Variants in USP33 observed in about 807,000 individuals in gnomAD.
USP33 encodes the protein ubiquitin specific peptidase 33.
Under a neutral mutation model 124.2 loss-of-function variants are expected in USP33, and 46 were observed. That is an observed-to-expected ratio of 0.37 (90% CI 0.29 to 0.47). USP33 has a LOEUF of 0.47. Ranked by LOEUF, USP33 falls within the 20% of genes least tolerant of loss-of-function variation. The probability of loss-of-function intolerance (pLI) is 0.99; values close to 1 mark genes in which losing one functional copy is unlikely to be tolerated. For missense variants in USP33, 851 were observed against 1,070.6 expected (o/e 0.79, Z 2.86); for synonymous variants, 350 against 352.3 (o/e 0.99, Z 0.07).
Position 77,714,657 on chromosome 1 carries a change from T to C in USP33, c.2172A>G (p.Glu724=), listed in dbSNP as rs767284193. 2 of 1,613,318 alleles carry C rather than the reference T, an allele frequency of 1.2e-6. No homozygotes were observed. The highest frequency in any genetic ancestry group is 2.7e-5 in the African/African-American group (2 of 74,914). Residue 724 remains glutamate (E), a synonymous_variant, in exon 19 of 24, where the codon GAA becomes GAG. Coordinates refer to ENST00000370794, the MANE Select transcript of USP33 (RefSeq NM_201624.3). The part of the protein sequence containing the change: ...QWLNKFKTFA[E]PGPISNNDFL... ...AGTCATTATTTGAAATAGGGCCAGG[T>C]TCGGCAAAGGTCTTAAATTTATTAA...
Position 77,736,094 on chromosome 1 carries a change from T to A in USP33, c.416A>T (p.Asp139Val). The A allele has an allele frequency of 1.2e-6, 2 of 1,613,448 alleles. No individual in the cohort carries two copies. Among genetic ancestry groups the A allele is most frequent in the East Asian group, 4.5e-5 (2 of 44,802 alleles). Residue 139 changes from aspartate (D) to valine (V), a missense_variant, in exon 6 of 24, where the codon GAT (aspartate) becomes GTT (valine). Transcript: ENST00000370794. ...TPLVAVFDDL[D>V]IEADEEDELR... ...TTCATCTTCTTCATCCGCTTCTATA[T>A]CCAGATCATCAAATACGGCAACCAG... is the stretch of plus-strand genomic sequence containing the variant.
intron 11 of USP33, among the ~76,000 whole-genome samples, chr1:77,724,417 T>A (rs768560332): frequency 1.1e-4 from 16 of 152,228 alleles, no homozygotes; most frequent in Non-Finnish European, 1.6e-4. Flanking sequence ...TAATGGATCA[T>A]GCTTTTAATG....
intron 19 of USP33, 106 bp from the exon 20 acceptor site, chr1:77,713,387 ATT>A (rs906267185): frequency 9.4e-6 from 9 of 961,586 alleles, no homozygotes; most frequent in Non-Finnish European, 1.4e-5. Context: ...ATCAATCATC[ATT>A]GTTTTTTTAA....
chr1:77,744,326 A>G (rs1679496533), intron 1 of USP33, among the ~76,000 whole-genome samples: 1 of 152,158 alleles, frequency 6.6e-6, no homozygotes, highest in Non-Finnish European at 1.5e-5. Context: ...AGAGAAAAAG[A>G]AGAAACCAAG....
chr1:77,697,927 A>T lies in USP33; in HGVS notation c.2514T>A (p.Pro838=), dbSNP rs1410088963. ...TCTTAGTATTGTCAATAGGACCTGG[A>T]GGATCTAAAGGAAAAAATATCAAAA... is the stretch of plus-strand genomic sequence containing the variant. ...ESFVKGKDGD[P]PGPIDNTKIA... The change falls in exon 23 of 24, where the codon CCT becomes CCA. Residue 838 remains proline (P), a synonymous_variant. Transcript: ENST00000370794. 1.0e-5 allele frequency: 16 copies of T among 1,597,660 alleles called. No individual in the cohort carries two copies. The highest frequency in any genetic ancestry group is 1.4e-5 in the Non-Finnish European group (16 of 1,175,224).
chr1:77,711,721 C>A (rs1675284295), intron 21 of USP33, 26 bp downstream of exon 21: 2 of 1,594,942 alleles, frequency 1.3e-6, no homozygotes, highest in Non-Finnish European at 8.5e-7. Context: ...TATCCTAGAT[C>A]AATTTGAAAA....
At chr1:77,723,541 T>C (rs1227017790) in intron 11 of USP33, 98 bp from the exon 12 acceptor site, 1 of 735,918 alleles carries the variant, frequency 1.4e-6, no homozygotes. Context: ...GTATATGATC[T>C]CTAGAATCCT....
intron 5 of USP33, among the ~76,000 whole-genome samples, chr1:77,738,550 G>A (rs745846939): frequency 1.1e-4 from 16 of 151,380 alleles, no homozygotes; most frequent in African/African-American, 3.9e-4. Context: ...GCAAGGTCTC[G>A]GCTCACTGCC....
intron 10 of USP33, 81 bp from the exon 11 acceptor site, chr1:77,725,843 T>C (rs1677102279): frequency 7.9e-6 from 10 of 1,272,516 alleles, no homozygotes; most frequent in Non-Finnish European, 9.5e-6. Flanking sequence ...GTTTCTTAAT[T>C]TGATATTTTG....
intron 1 of USP33, chr1:77,759,205 G>T: frequency 5.8e-6 from 1 of 171,784 alleles, no homozygotes; most frequent in Non-Finnish European, 1.2e-5. Flanking sequence ...CAACGGGGCC[G>T]GCCCCCTCAA....
chr1:77,732,391 A>G (rs538049591), intron 7 of USP33, among the ~76,000 whole-genome samples: 1 of 152,126 alleles, frequency 6.6e-6, no homozygotes, highest in African/African-American at 2.4e-5. Context: ...AACTACCACT[A>G]CTTCTTGCCT....
rs768320577 is a variant in USP33 at position 77,701,350 on chromosome 1, T to A, written c.2509+19A>T. 1.3e-6 allele frequency: 2 copies of A among 1,567,062 alleles called. No homozygotes were observed. Among genetic ancestry groups the A allele is most frequent in the Admixed American group, 4.2e-5 (2 of 48,168 alleles). On this transcript the variant is annotated intron_variant, in intron 22 of 23. Coordinates refer to ENST00000370794, the MANE Select transcript of USP33 (RefSeq NM_201624.3). ...AACAAATAATTTACCAAAAAAAAAT[T>A]TTTCAGTCAACCACTTACCTCCATC...
At chr1:77,731,296 C>A (rs1372350984) in intron 7 of USP33, among the ~76,000 whole-genome samples, 2 of 152,176 alleles carry the variant, frequency 1.3e-5, no homozygotes, top group African/African-American at 4.8e-5. Flanking sequence ...TTCAAGTGAA[C>A]CTGCACTTCC....
At chr1:77,702,454 T>C (rs958777367) in intron 21 of USP33, among the ~76,000 whole-genome samples, 2 of 152,192 alleles carry the variant, frequency 1.3e-5, no homozygotes, top group Admixed American at 6.5e-5. Context: ...GCTATTACCA[T>C]GCTGCAATGA....
chr1:77,721,301 C>T, intron 14 of USP33, 96 bp from the exon 15 acceptor site: 1 of 1,338,190 alleles, frequency 7.5e-7, no homozygotes, highest in South Asian at 1.2e-5. Context: ...GCTGACCTCC[C>T]AGCACAGAAA....
At chr1:77,723,262 T>A (rs1676782359) in intron 12 of USP33, 69 bp downstream of exon 12, 1 of 1,152,436 alleles carries the variant, frequency 8.7e-7, no homozygotes, top group Non-Finnish European at 1.3e-6. Flanking sequence ...ACTTTTCACA[T>A]CATCTTGTCA....
chr1:77,725,113 C>G (rs1190763235), intron 11 of USP33, among the ~76,000 whole-genome samples: 2 of 152,024 alleles, frequency 1.3e-5, no homozygotes, highest in African/African-American at 2.4e-5. Context: ...AGTAACATAT[C>G]TGAATTTCAA....
intron 21 of USP33, among the ~76,000 whole-genome samples, chr1:77,702,902 G>A (rs1306461197): frequency 1.4e-5 from 2 of 148,062 alleles, no homozygotes; most frequent in Non-Finnish European, 2.9e-5. Flanking sequence ...TCTAATTGTA[G>A]TAGTGTGTAA....
chr1:77,715,902 T>C lies in USP33; in HGVS notation c.1919-34A>G, dbSNP rs746793244. The C allele has an allele frequency of 1.9e-6, 3 of 1,597,240 alleles. No individual in the cohort carries two copies. In the South Asian group the frequency reaches 3.4e-5, roughly 18 times the overall value. ...GAGGGAAAAGAAATCATTACAGTAA[T>C]ACAAAAACAACAGAAGAAAGGAGGA... On this transcript the variant is annotated intron_variant, in intron 17 of 23. Transcript: ENST00000370794.
Sources: allele counts gnomAD v4.1 joint callset (sites outside exome capture counted in the v4.1 genomes callset), GRCh38; gene constraint gnomAD v4.1.1; transcripts MANE v1.5; gene names NCBI Gene and HGNC (gene_info 2026-07-23, HGNC 2026-07-21).